The following RAB3B variants were observed in gnomAD, a reference collection of about 807,000 sequenced individuals.
RAB3B encodes the protein RAB3B, member RAS oncogene family.
A neutral mutation model predicts 20.5 loss-of-function variants in RAB3B; 11 were observed. That is an observed-to-expected ratio of 0.54 (90% CI 0.34 to 0.89). RAB3B has a LOEUF of 0.89. Among genes scored for constraint, RAB3B ranks in the 40% least tolerant of loss-of-function variants. The pLI is 0.02. For synonymous variants in RAB3B, 99 were observed against 106.3 expected (o/e 0.93, Z 0.42); for missense variants, 225 against 280.9 (o/e 0.80, Z 1.42).
intron 2 of RAB3B, among the ~76,000 whole-genome samples, chr1:51,952,936 T>C (rs1684659310): frequency 6.6e-6 from 1 of 152,102 alleles, no homozygotes; most frequent in Admixed American, 6.5e-5. Flanking sequence ...GGGCCCTCAC[T>C]TTCAAGTTTC....
intron 2 of RAB3B, among the ~76,000 whole-genome samples, chr1:51,968,219 C>T (rs1335318281): frequency 6.6e-6 from 1 of 152,176 alleles, no homozygotes; most frequent in Non-Finnish European, 1.5e-5. Flanking sequence ...CAGTGAGACC[C>T]ACCTTAGACT....
At chr1:51,957,690 T>C (rs1255182121) in intron 2 of RAB3B, among the ~76,000 whole-genome samples, 1 of 152,256 alleles carries the variant, frequency 6.6e-6, no homozygotes, top group East Asian at 1.9e-4. Flanking sequence ...CTCAGTAATC[T>C]GCTGCTCTTC....
intron 2 of RAB3B, among the ~76,000 whole-genome samples, chr1:51,953,669 C>T (rs762731783): frequency 3.6e-4 from 55 of 152,230 alleles, no homozygotes; most frequent in Non-Finnish European, 6.5e-4. Context: ...AGTGCAGTGG[C>T]GCACGCCTGT....
At chr1:51,923,198 T>C (rs1684195678) in intron 4 of RAB3B, among the ~76,000 whole-genome samples, 1 of 152,142 alleles carries the variant, frequency 6.6e-6, no homozygotes, top group African/African-American at 2.4e-5. Context: ...GGTTAGCACT[T>C]GTAATTTGCA....
chr1:51,950,742 G>A (rs1684630100), intron 2 of RAB3B, among the ~76,000 whole-genome samples: 1 of 152,182 alleles, frequency 6.6e-6, no homozygotes, highest in African/African-American at 2.4e-5. Context: ...CTTCAATCCA[G>A]GCAAGATTAG....
chr1:51,959,105 G>A lies in RAB3B; in HGVS notation c.228+17785C>T, dbSNP rs1468849448. 2.0e-5 allele frequency among the ~76,000 whole-genome samples: 3 copies of A among 152,186 alleles called. 1 individual carries two copies. In the South Asian group the frequency reaches 6.2e-4, roughly 31 times the overall value. ...ACATGCAATACAGCTGGTTAGTATGGAAAGTTAAGGAGGGTCCTTAACTGC... is the reference window on the plus strand; with the variant it reads ...ACATGCAATACAGCTGGTTAGTATGAAAAGTTAAGGAGGGTCCTTAACTGC... On this transcript the variant is annotated intron_variant, in intron 2 of 4. Coordinates refer to ENST00000371655, the MANE Select transcript of RAB3B (RefSeq NM_002867.4).
Position 51,914,088 on chromosome 1 carries a change from CAT to C in RAB3B, c.*5837_*5838del, listed in dbSNP as rs1248870234. 1.3e-5 allele frequency: 2 copies of C among 152,198 alleles called. No individual in the cohort carries two copies. Among genetic ancestry groups the C allele is most frequent in the African/African-American group, 2.4e-5 (1 of 41,438 alleles). The allele number at this position is 152,198 out of a possible 1,614,324, so 9.4% of individuals were successfully genotyped here. ...ACCCACAGAATCATAAGAAATGATA[CAT>C]GTTTGTTGTTTTAAGCCTGTAAGTT... On this transcript the variant is annotated 3_prime_UTR_variant, in exon 5 of 5. Transcript: ENST00000371655.
chr1:51,944,744 G>A (rs925170227), intron 2 of RAB3B, among the ~76,000 whole-genome samples: 1 of 152,184 alleles, frequency 6.6e-6, no homozygotes, highest in African/African-American at 2.4e-5. Flanking sequence ...TTGAACGGAT[G>A]CAGTTGCTTC....
intron 2 of RAB3B, among the ~76,000 whole-genome samples, chr1:51,948,663 T>A (rs1684594831): frequency 6.6e-6 from 1 of 152,196 alleles, no homozygotes; most frequent in African/African-American, 2.4e-5. Flanking sequence ...TGCTCTCTCT[T>A]CAGAGCTCAG....
At chr1:51,978,192 C>G (rs1204101695) in intron 1 of RAB3B, among the ~76,000 whole-genome samples, 2 of 152,182 alleles carry the variant, frequency 1.3e-5, no homozygotes, top group Non-Finnish European at 2.9e-5. Context: ...GACTTCATTC[C>G]TACATGTCTG....
intron 2 of RAB3B, among the ~76,000 whole-genome samples, chr1:51,965,026 G>T (rs1684829752): frequency 6.6e-6 from 1 of 152,080 alleles, no homozygotes; most frequent in Admixed American, 6.6e-5. Context: ...TTAAGACCAG[G>T]AGTTCAAGAC....
At chr1:51,984,285 A>T (rs1237934532) in intron 1 of RAB3B, among the ~76,000 whole-genome samples, 3 of 146,534 alleles carry the variant, frequency 2.0e-5, no homozygotes, top group African/African-American at 7.6e-5. Context: ...AAAAAAAAAA[A>T]AAAAAAAAAA....
intron 2 of RAB3B, among the ~76,000 whole-genome samples, chr1:51,946,065 T>G (rs1684560372): frequency 6.6e-6 from 1 of 152,240 alleles, no homozygotes; most frequent in Non-Finnish European, 1.5e-5. Context: ...ATTAATTTTT[T>G]TAAGTAATTG....
intron 1 of RAB3B, among the ~76,000 whole-genome samples, chr1:51,989,190 A>G (rs1685189766): frequency 8.4e-6 from 1 of 119,168 alleles, no homozygotes; most frequent in African/African-American, 3.4e-5. Flanking sequence ...AAGCCGGGGG[A>G]AGAGGGCCCA....
chr1:51,945,454 T>C lies in RAB3B; in HGVS notation c.229-8042A>G, dbSNP rs151329671. ...ATGCACTGGGAAACCAAAAAATTCA[T>C]GTTACTTGCTTTATTGCAATATTTA... On this transcript the variant is annotated intron_variant, in intron 2 of 4. Transcript: ENST00000371655. Among the ~76,000 whole-genome samples the C allele has an allele frequency of 1.7e-3, 254 of 152,344 alleles. 11 individuals carry two copies. In the East Asian group the frequency reaches 0.04, roughly 24 times the overall value.
At chr1:51,922,766 G>C (rs537580611) in intron 4 of RAB3B, among the ~76,000 whole-genome samples, 1 of 151,474 alleles carries the variant, frequency 6.6e-6, no homozygotes, top group Non-Finnish European at 1.5e-5. Context: ...GCACAATCTC[G>C]GCTCACTGCA....
rs527909524 is a variant in RAB3B at position 51,918,143 on chromosome 1, T to G, written c.*1784A>C. On this transcript the variant is annotated 3_prime_UTR_variant, in exon 5 of 5. Coordinates refer to ENST00000371655, the MANE Select transcript of RAB3B (RefSeq NM_002867.4). ...TTATTTTTTTCCTCAGGTATTTAAT[T>G]AAGGGGCTTCCACCAGAAGTGGTTT... 1.3e-5 allele frequency: 2 copies of G among 152,158 alleles called. No homozygotes were observed. The highest frequency in any genetic ancestry group is 2.9e-5 in the Non-Finnish European group (2 of 68,032). 9.4% of individuals were successfully genotyped at this position (152,158 alleles called of 1,614,324 possible). A position where few individuals can be genotyped will look rare whatever the true frequency, so the allele number is the denominator to read the frequency against.
chr1:51,934,576 C>T (rs747623169), intron 3 of RAB3B, among the ~76,000 whole-genome samples: 69 of 151,958 alleles, frequency 4.5e-4, no homozygotes, highest in Non-Finnish European at 7.1e-4. Context: ...TCGAGACCAT[C>T]CTAGCTAACA....
At position 51,968,213 on chromosome 1, in the gene RAB3B, G is replaced by A. The variant is rs78290767; in HGVS notation, c.228+8677C>T. Among the ~76,000 whole-genome samples the A allele has an allele frequency of 5.3e-3, 808 of 152,258 alleles. 6 individuals are homozygous for A. The highest frequency in any genetic ancestry group is 0.018 in the African/African-American group (753 of 41,538). ...GCCAACAAATTGATTTTAACCCAGT[G>A]AGACCCACCTTAGACTTCCGACCTC... On this transcript the variant is annotated intron_variant, in intron 2 of 4. Transcript: ENST00000371655.
Sources: gnomAD v4.1 joint callset for allele counts (sites outside exome capture counted in the v4.1 genomes callset) on GRCh38, gnomAD v4.1.1 for gene constraint, MANE v1.5 for transcripts, NCBI Gene and HGNC (gene_info 2026-07-23, HGNC 2026-07-21) for gene names.